The following LRBA variants were observed in gnomAD, a reference collection of about 807,000 sequenced individuals.
LRBA encodes the protein lipopolysaccharide-responsive and beige-like anchor protein.
LRBA carries 176 observed loss-of-function variants against 330.0 expected under a neutral mutation model. The observed-to-expected ratio is 0.53, with a 90% CI of 0.47 to 0.60. The LOEUF is 0.60. LRBA is among the 20% of genes least tolerant of loss of function. The pLI, the probability that LRBA is intolerant of heterozygous loss-of-function variation, is 0.00. For missense variants in LRBA, 3,259 were observed against 3,444.8 expected (o/e 0.95, Z 1.35); for synonymous variants, 1,230 against 1,193.0 (o/e 1.03, Z -0.64).
intron 40 of LRBA, among the ~76,000 whole-genome samples, chr4:150,566,760 T>C (rs551211767): frequency 6.6e-6 from 1 of 152,240 alleles, no homozygotes; most frequent in South Asian, 2.1e-4. Flanking sequence ...ACAATCAAAA[T>C]ATACAGATAC....
intron 44 of LRBA, among the ~76,000 whole-genome samples, chr4:150,442,787 G>A (rs1752005310): frequency 6.6e-6 from 1 of 152,058 alleles, no homozygotes; most frequent in South Asian, 2.1e-4. Flanking sequence ...TCAAGCATCT[G>A]ATATATGTTA....
At chr4:150,486,950 T>C (rs1217395320) in intron 42 of LRBA, among the ~76,000 whole-genome samples, 2 of 151,898 alleles carry the variant, frequency 1.3e-5, no homozygotes, top group Non-Finnish European at 2.9e-5. Flanking sequence ...ATCCATGTTA[T>C]TGTAGATAAC....
At chr4:150,639,819 GTATATATATATATATATATATATATA>G (rs56731034) in intron 37 of LRBA, among the ~76,000 whole-genome samples, 105 of 4,532 alleles carry the variant, frequency 0.023, 8 homozygotes, top group South Asian at 0.037. Flanking sequence ...GTGTGTGTGT[GTATATATATATATATATATATATATA>G]TATATATATA....
intron 37 of LRBA, among the ~76,000 whole-genome samples, chr4:150,643,026 A>T (rs1778826738): frequency 6.6e-6 from 1 of 151,936 alleles, no homozygotes; most frequent in Non-Finnish European, 1.5e-5. Flanking sequence ...CCACATAAAA[A>T]TTTTGTACAT....
chr4:150,933,711 T>C (rs1734758783), intron 2 of LRBA, among the ~76,000 whole-genome samples: 1 of 151,992 alleles, frequency 6.6e-6, no homozygotes, highest in South Asian at 2.1e-4. Flanking sequence ...AAAAAAACAA[T>C]TTAAAAAGAA....
rs9307874 is a variant in LRBA at position 150,264,912 on chromosome 4, CAACAA to C, written c.*805_*809del. The stretch of plus-strand genomic sequence containing the variant: ...AACCCGGGGAGGGAAGGGGGTGCCC[CAACAA>C]AACAACAGTGGCTCCGCCTCATTGT... On this transcript the variant is annotated 3_prime_UTR_variant, in exon 57 of 57. Transcript: ENST00000651943. 91,523 of 128,940 alleles carry C rather than the reference CAACAA, an allele frequency of 0.71. 28,569 individuals carry two copies. Among genetic ancestry groups the C allele is most frequent in the South Asian group, 0.84 (3,957 of 4,698 alleles). 8.0% of individuals were successfully genotyped at this position (128,940 alleles called of 1,614,324 possible).
chr4:150,265,826 A>C lies in LRBA; in HGVS notation c.8469-14T>G, dbSNP rs1349616806. 6.5e-7 allele frequency: 1 copy of C among 1,541,980 alleles called. No homozygotes were observed. The highest frequency in any genetic ancestry group is 2.2e-5 in the East Asian group (1 of 44,512). ...GAAATGATGCACCTAGGAGAAGCAC[A>C]GAGAGAAGGACTTTTACAAACCTGT... On this transcript the variant is annotated splice_polypyrimidine_tract_variant and intron_variant, in intron 56 of 56. Transcript: ENST00000651943.
intron 36 of LRBA, among the ~76,000 whole-genome samples, chr4:150,695,349 A>C (rs1784529826): frequency 6.6e-6 from 1 of 152,128 alleles, no homozygotes; most frequent in Non-Finnish European, 1.5e-5. Flanking sequence ...TTGAGTCAGA[A>C]TCTCACTCTG....
At chr4:150,439,856 C>A (rs532760612) in intron 44 of LRBA, among the ~76,000 whole-genome samples, 1 of 152,276 alleles carries the variant, frequency 6.6e-6, no homozygotes, top group Non-Finnish European at 1.5e-5. Context: ...TTTCTGACAA[C>A]TGCTTTAAAA....
chr4:150,861,300 T>TGC (rs1751913088), intron 22 of LRBA, among the ~76,000 whole-genome samples: 1 of 151,418 alleles, frequency 6.6e-6, no homozygotes, highest in Admixed American at 6.6e-5. Flanking sequence ...TGTGTGTGTG[T>TGC]GTGTGTGTGT....
At chr4:150,779,478 A>G (rs930381976) in intron 34 of LRBA, among the ~76,000 whole-genome samples, 68 of 152,074 alleles carry the variant, frequency 4.5e-4, no homozygotes, top group African/African-American at 1.6e-3. Flanking sequence ...TTTAATGTTT[A>G]CTTTTTTTAA....
intron 37 of LRBA, among the ~76,000 whole-genome samples, chr4:150,661,248 A>G (rs572990267): frequency 1.8e-4 from 27 of 151,922 alleles, no homozygotes; most frequent in African/African-American, 6.5e-4. Flanking sequence ...AGGCGGGTCA[A>G]TCACCTGAGG....
intron 28 of LRBA, among the ~76,000 whole-genome samples, chr4:150,842,674 T>C (rs1749267755): frequency 6.6e-6 from 1 of 152,192 alleles, no homozygotes; most frequent in Admixed American, 6.5e-5. Context: ...AAGAAGGTAG[T>C]ATAGCCTTTT....
chr4:150,440,969 A>C (rs1274229274), intron 44 of LRBA, among the ~76,000 whole-genome samples: 1 of 152,152 alleles, frequency 6.6e-6, no homozygotes, highest in Non-Finnish European at 1.5e-5. Context: ...AAAACAGGAT[A>C]TGCAAAATAA....
intron 9 of LRBA, among the ~76,000 whole-genome samples, chr4:150,911,861 T>C (rs1380538418): frequency 1.3e-5 from 2 of 152,170 alleles, no homozygotes; most frequent in East Asian, 3.8e-4. Context: ...ATTGATTCAA[T>C]CTCCTTACTA....
chr4:150,848,698 A>G (rs1285706355), intron 26 of LRBA, 120 bp downstream of exon 26: 5 of 758,760 alleles, frequency 6.6e-6, no homozygotes, highest in Middle Eastern at 2.8e-4. Context: ...AAAAGTAACC[A>G]TATGACAAAT....
At chr4:150,542,953 G>T (rs755177486) in intron 40 of LRBA, among the ~76,000 whole-genome samples, 2 of 151,950 alleles carry the variant, frequency 1.3e-5, no homozygotes, top group South Asian at 4.1e-4. Context: ...TTATAATGAG[G>T]CTTAACATTA....
rs952598167 is a variant in LRBA at position 150,347,213 on chromosome 4, G to A, written c.7362+2779C>T. Among the ~76,000 whole-genome samples the A allele has an allele frequency of 3.3e-5, 5 of 152,310 alleles. No individual in the cohort carries two copies. In the East Asian group the frequency reaches 9.6e-4, roughly 29 times the overall value. On this transcript the variant is annotated intron_variant, in intron 48 of 56. Transcript: ENST00000651943. ...TAGCATTGTAATTGTACAGGGACTG[G>A]GGAGGAAGGAATGAGGAGTTATTGT...
Position 150,896,454 on chromosome 4 carries a change from A to C in LRBA, c.2007T>G (p.Asp669Glu). 6.6e-7 allele frequency: 1 copy of C among 1,522,358 alleles called. No individual in the cohort carries two copies. The highest frequency in any genetic ancestry group is 1.2e-5 in the South Asian group (1 of 84,332). The allele number at this position is 1,522,358 out of a possible 1,614,324, so 94.3% of individuals were successfully genotyped here. Residue 669 changes from aspartate to glutamate, a missense_variant and splice_region_variant, in exon 16 of 57, where the codon GAT (aspartate) becomes GAG (glutamate). By Grantham distance (45) the Asp-to-Glu change is conservative. Coordinates refer to ENST00000651943, the MANE Select transcript of LRBA (RefSeq NM_001364905.1). ...GTAATTCATCTTCCTTTACTCCAGA[A>C]TCCTTCAAAAACATAATACAGGTAT... Reference protein sequence around the residue: ...LMFIKQLVMKDSGVKEDELQA... With the variant: ...LMFIKQLVMKESGVKEDELQA...
Sources: allele counts gnomAD v4.1 joint callset (sites outside exome capture counted in the v4.1 genomes callset), GRCh38; gene constraint gnomAD v4.1.1; transcripts MANE v1.5; gene names NCBI Gene and HGNC (gene_info 2026-07-23, HGNC 2026-07-21).